ANKS1A: variants seen among roughly 807,000 people sequenced by gnomAD.
ANKS1A encodes the protein ankyrin repeat and sterile alpha motif domain containing 1A.
Under a neutral mutation model 120.3 loss-of-function variants are expected in ANKS1A, and 55 were observed. The ratio of observed to expected loss-of-function variants is 0.46; its 90% CI spans 0.37 to 0.57. The LOEUF is 0.57. Among genes scored for constraint, ANKS1A ranks in the 20% least tolerant of loss-of-function variants. The pLI is 0.00. For synonymous variants in ANKS1A, 590 were observed against 604.7 expected (o/e 0.98, Z 0.36); for missense variants, 1,123 against 1,480.3 (o/e 0.76, Z 3.96).
intron 1 of ANKS1A, among the ~76,000 whole-genome samples, chr6:34,902,323 C>T (rs1581667103): frequency 6.6e-6 from 1 of 152,004 alleles, no homozygotes; most frequent in African/African-American, 2.4e-5. Context: ...ATCTCGGCTC[C>T]CTGCAACCTC....
intron 3 of ANKS1A, among the ~76,000 whole-genome samples, chr6:34,973,429 C>A (rs976746471): frequency 2.0e-5 from 3 of 152,194 alleles, no homozygotes; most frequent in African/African-American, 7.2e-5. Context: ...CACATCTGAG[C>A]AGCAGAGCTT....
rs1442213627 is a variant in ANKS1A at position 35,082,933 on chromosome 6, T to C, written c.2835+117T>C. ...GCCAGGCCCAGGGCTTTTGAGCTGT[T>C]CTCCACTCTCAGCCACTCTTGACAG... On this transcript the variant is annotated intron_variant, in intron 18 of 23. Transcript: ENST00000360359. This position sits in a 1 kb window ranked among gnomAD's most constrained non-coding sequence, Gnocchi z 4.1. The C allele has an allele frequency of 6.7e-6, 10 of 1,484,964 alleles. No homozygotes were observed. Among genetic ancestry groups the C allele is most frequent in the Non-Finnish European group, 9.0e-6 (10 of 1,110,626 alleles). The allele number at this position is 1,484,964 out of a possible 1,614,324, so 92.0% of individuals were successfully genotyped here.
At chr6:35,009,883 A>T in intron 10 of ANKS1A, 1 of 172,922 alleles carries the variant, frequency 5.8e-6, no homozygotes, top group Non-Finnish European at 1.1e-5. Context: ...AGCCTGGGTG[A>T]CACGAGCAAG....
intron 8 of ANKS1A, among the ~76,000 whole-genome samples, chr6:34,988,314 G>A (rs1772316820): frequency 6.6e-6 from 1 of 152,168 alleles, no homozygotes; most frequent in African/African-American, 2.4e-5. Flanking sequence ...GGGTTTAGAT[G>A]GGCTGGGCAC....
chr6:35,079,010 C>CCTGCACTGAGCCCTGG (rs1777517713), intron 14 of ANKS1A, among the ~76,000 whole-genome samples: 1 of 152,154 alleles, frequency 6.6e-6, no homozygotes, highest in Non-Finnish European at 1.5e-5. Context: ...CCCTGGCCAG[C>CCTGCACTGAGCCCTGG]CTGCACTGAG....
At chr6:35,087,079 C>T in intron 23 of ANKS1A, 30 bp downstream of exon 23, 1 of 1,595,312 alleles carries the variant, frequency 6.3e-7, no homozygotes, top group Non-Finnish European at 8.6e-7. Flanking sequence ...TAAAACAACC[C>T]ACTCCCTGTC....
chr6:34,899,678 C>G (rs192969623), intron 1 of ANKS1A, among the ~76,000 whole-genome samples: 1 of 152,320 alleles, frequency 6.6e-6, no homozygotes, highest in East Asian at 1.9e-4. Flanking sequence ...ACCTGAGTGT[C>G]TGAAAGGTTC....
intron 1 of ANKS1A, among the ~76,000 whole-genome samples, chr6:34,921,611 G>A (rs760188431): frequency 6.6e-5 from 10 of 152,180 alleles, no homozygotes; most frequent in Non-Finnish European, 1.3e-4. Flanking sequence ...GACCTACATG[G>A]TACCAAAGGA....
rs570230565 is a variant in ANKS1A, at chr6:35,047,825, G to A, written c.2011-6274G>A. 2.3e-4 allele frequency among the ~76,000 whole-genome samples: 35 copies of A among 152,324 alleles called. No individual in the cohort carries two copies. In the South Asian group the frequency reaches 3.9e-3, roughly 17 times the overall value. On this transcript the variant is annotated intron_variant, in intron 11 of 23. Coordinates refer to ENST00000360359, the MANE Select transcript of ANKS1A (RefSeq NM_015245.3). ...AGGTCATTTGGCAAGTATTGGTTCC[G>A]TGTATTTCCTTCACGTCATGTCAAG...
Position 35,091,235 on chromosome 6 carries a change from T to G in ANKS1A, c.*2626T>G. The G allele has an allele frequency of 1.0e-6, 1 of 985,924 alleles. No individual in the cohort carries two copies. Among genetic ancestry groups the G allele is most frequent in the Non-Finnish European group, 1.2e-6 (1 of 829,950 alleles). The allele number at this position is 985,924 out of a possible 1,614,324, so 61.1% of individuals were successfully genotyped here. On this transcript the variant is annotated 3_prime_UTR_variant, in exon 24 of 24. Transcript: ENST00000360359. ...TTAATCTGTCTGATTTTGTCTGAAT[T>G]ATAAACACTTTGAGGTACCAAACAT...
chr6:35,000,476 A>G (rs1234702922), intron 10 of ANKS1A, among the ~76,000 whole-genome samples: 1 of 150,918 alleles, frequency 6.6e-6, no homozygotes, highest in Non-Finnish European at 1.5e-5. Flanking sequence ...AAAAAAAAAG[A>G]ATGGTTATCT....
chr6:34,973,859 C>A (rs796454189), intron 3 of ANKS1A, among the ~76,000 whole-genome samples: 1,421 of 74,666 alleles, frequency 0.019, 62 homozygotes, highest in African/African-American at 0.062. Flanking sequence ...CTTCCCCTTG[C>A]CCTCCCCTTC....
At chr6:35,046,813 C>T (rs75860474) in intron 11 of ANKS1A, among the ~76,000 whole-genome samples, 44 of 152,234 alleles carry the variant, frequency 2.9e-4, no homozygotes, top group African/African-American at 1.0e-3. Context: ...TCTGTTATTC[C>T]ATGAGTTTTG....
chr6:34,995,154 C>T (rs1169998104), intron 10 of ANKS1A, among the ~76,000 whole-genome samples: 13 of 152,180 alleles, frequency 8.5e-5, no homozygotes, highest in Non-Finnish European at 1.9e-4. Flanking sequence ...ATGGGGTATG[C>T]GTACCTTCTT....
At chr6:34,902,473 C>T (rs958351712) in intron 1 of ANKS1A, among the ~76,000 whole-genome samples, 2 of 152,086 alleles carry the variant, frequency 1.3e-5, no homozygotes, top group Non-Finnish European at 2.9e-5. Flanking sequence ...GTCTGGGACT[C>T]CTGACCTCAG....
intron 1 of ANKS1A, among the ~76,000 whole-genome samples, chr6:34,900,730 G>A (rs1767305348): frequency 6.6e-6 from 1 of 152,030 alleles, no homozygotes; most frequent in Non-Finnish European, 1.5e-5. Flanking sequence ...AGGCAGACAG[G>A]CCCCAGAGTC....
At chr6:34,971,228 C>A (rs144733346) in intron 3 of ANKS1A, among the ~76,000 whole-genome samples, 1 of 151,876 alleles carries the variant, frequency 6.6e-6, no homozygotes, top group African/African-American at 2.4e-5. Context: ...TGATGTCCTC[C>A]GAGTAAGCAT....
At chr6:34,950,251 G>T (rs1425131644) in intron 1 of ANKS1A, among the ~76,000 whole-genome samples, 1 of 141,348 alleles carries the variant, frequency 7.1e-6, no homozygotes, top group Non-Finnish European at 1.5e-5. Context: ...TTTTGGGACG[G>T]AGTCTTGCTC....
At chr6:35,020,147 C>T (rs1442406602) in intron 11 of ANKS1A, among the ~76,000 whole-genome samples, 1 of 152,038 alleles carries the variant, frequency 6.6e-6, no homozygotes, top group Non-Finnish European at 1.5e-5. Flanking sequence ...AGCATCAGGC[C>T]AAGAGATGAG....
Sources: allele counts gnomAD v4.1 joint callset (sites outside exome capture counted in the v4.1 genomes callset), GRCh38; gene constraint gnomAD v4.1.1; non-coding constraint Gnocchi (gnomAD v3.1); transcripts MANE v1.5; gene names NCBI Gene and HGNC (gene_info 2026-07-23, HGNC 2026-07-21).